EDNRB: variants seen among roughly 807,000 people sequenced by gnomAD.
EDNRB encodes Hirschsprung disease 2.
In EDNRB, 18 loss-of-function variants were observed where a neutral mutation model predicts 46.4. The ratio of observed to expected loss-of-function variants is 0.39; its 90% confidence interval spans 0.27 to 0.57. EDNRB has a LOEUF of 0.57. Ranked by LOEUF, EDNRB falls within the 20% of genes least tolerant of loss-of-function variation. The probability of loss-of-function intolerance (pLI) is 0.61; values close to 1 mark genes in which losing one functional copy is unlikely to be tolerated. For synonymous variants in EDNRB, 213 were observed against 204.9 expected (o/e 1.04, Z -0.34); for missense variants, 434 against 537.5 (o/e 0.81, Z 1.90).
intron 1 of EDNRB, among the ~76,000 whole-genome samples, chr13:77,974,552 T>A (rs1176165778): frequency 6.6e-6 from 1 of 152,146 alleles, no homozygotes; most frequent in Non-Finnish European, 1.5e-5. Context: ...TAGGGTACAC[T>A]TTTTTTCTTA....
At chr13:77,900,448 T>C (rs1878903151) in intron 5 of EDNRB, 73 bp downstream of exon 5, 1 of 1,600,104 alleles carries the variant, frequency 6.2e-7, no homozygotes, top group Admixed American at 1.7e-5. Context: ...TCTTTCTGCC[T>C]ATAAAAAAGA....
intron 5 of EDNRB, 47 bp downstream of exon 5, chr13:77,900,474 C>G: frequency 3.7e-6 from 6 of 1,610,116 alleles, no homozygotes; most frequent in Non-Finnish European, 5.1e-6. Context: ...GGAAACACTT[C>G]TGAGTGGCAT....
At position 77,899,851 on chromosome 13, in the gene EDNRB, T is replaced by A; in HGVS notation, c.1194+8A>T. 1 of 1,606,150 alleles carries A rather than the reference T, an allele frequency of 6.2e-7. No homozygotes were observed. The highest frequency in any genetic ancestry group is 8.5e-7 in the Non-Finnish European group (1 of 1,173,874). On this transcript the variant is annotated splice_region_variant and intron_variant, in intron 6 of 6. Coordinates refer to ENST00000646607, the MANE Select transcript of EDNRB (RefSeq NM_001122659.3). ...CAAAGAGCTTTTTATTTTGGGATAG[T>A]CTCTTACCTTAAAGCAGTTTTTGAA... is the stretch of plus-strand genomic sequence containing the variant.
At chr13:77,952,775 G>C (rs1881128174) in intron 1 of EDNRB, among the ~76,000 whole-genome samples, 1 of 152,242 alleles carries the variant, frequency 6.6e-6, no homozygotes, top group Admixed American at 6.5e-5. Context: ...ATCCTATCAA[G>C]GGGCCCTTGT....
intron 1 of EDNRB, among the ~76,000 whole-genome samples, chr13:77,932,442 C>G (rs1013848543): frequency 5.9e-5 from 9 of 152,272 alleles, no homozygotes; most frequent in African/African-American, 2.2e-4. Flanking sequence ...ATGTGTCACT[C>G]CCTTTATTTA....
intron 1 of EDNRB, among the ~76,000 whole-genome samples, chr13:77,909,836 C>T (rs998289304): frequency 6.6e-6 from 1 of 151,938 alleles, no homozygotes; most frequent in Non-Finnish European, 1.5e-5. Flanking sequence ...AGATAATTGA[C>T]ATGACTGTAT....
intron 1 of EDNRB, among the ~76,000 whole-genome samples, chr13:77,936,714 A>G (rs1253629714): frequency 6.6e-6 from 1 of 152,214 alleles, no homozygotes; most frequent in Admixed American, 6.5e-5. Flanking sequence ...CACAGATGGG[A>G]CATGGCTTAG....
chr13:77,903,374 T>G lies in EDNRB; in HGVS notation c.597-14A>C, dbSNP rs1050828899. The G allele has an allele frequency of 2.5e-6, 4 of 1,612,706 alleles. No homozygotes were observed. ...ACAGCTCGATATCTGAAGATAAAAA[T>G]AGAATTGTATTTTAAGCTGGCATAC... On this transcript the variant is annotated splice_polypyrimidine_tract_variant and intron_variant, in intron 2 of 6. Transcript: ENST00000646607.
upstream of EDNRB, among the ~76,000 whole-genome samples, chr13:77,921,299 G>A (rs1422625243): frequency 1.3e-5 from 2 of 152,078 alleles, no homozygotes; most frequent in Non-Finnish European, 2.9e-5. Flanking sequence ...TCAAGAATAA[G>A]GCCAAACAAT....
At chr13:77,914,482 TC>T (rs1879717613) in intron 1 of EDNRB, among the ~76,000 whole-genome samples, 1 of 152,212 alleles carries the variant, frequency 6.6e-6, no homozygotes, top group African/African-American at 2.4e-5. Flanking sequence ...TTTTCATTGT[TC>T]TTCTGGTTGG....
At position 77,934,690 on chromosome 13, in the gene EDNRB, G is replaced by A. The variant is rs866383609; in HGVS notation, c.-51-16066C>T. Among the ~76,000 whole-genome samples the A allele has an allele frequency of 5.1e-3, 750 of 147,808 alleles. 7 individuals carry two copies. Among genetic ancestry groups the A allele is most frequent in the African/African-American group, 0.017 (702 of 40,558 alleles). On this transcript the variant is annotated intron_variant, in intron 1 of 7. Transcript: ENST00000646948. ...TTGATGTGTAGGAAAGGGGGGGGGG[G>A]GCCTGAATAGTCCCTGAGGAGTAGC...
chr13:77,919,840 G>C, upstream of EDNRB: 1 of 526,576 alleles, frequency 1.9e-6, no homozygotes, highest in South Asian at 2.7e-5. Flanking sequence ...TGTGACACCC[G>C]GCAGCTCCAG....
intron 1 of EDNRB, among the ~76,000 whole-genome samples, chr13:77,952,785 T>A (rs1881128666): frequency 6.6e-6 from 1 of 152,330 alleles, no homozygotes; most frequent in African/African-American, 2.4e-5. Flanking sequence ...GGGGCCCTTG[T>A]ATTGCTCTGT....
chr13:77,970,682 T>G (rs554796699), intron 1 of EDNRB, among the ~76,000 whole-genome samples: 1 of 152,252 alleles, frequency 6.6e-6, no homozygotes, highest in South Asian at 2.1e-4. Flanking sequence ...AAAACCGTGG[T>G]CATGGGAGGC....
chr13:77,943,217 A>G (rs2137666736), intron 1 of EDNRB, among the ~76,000 whole-genome samples: 1 of 152,240 alleles, frequency 6.6e-6, no homozygotes, highest in Middle Eastern at 3.4e-3. Context: ...ACTTACCTAA[A>G]TTATCTCTGG....
intron 1 of EDNRB, among the ~76,000 whole-genome samples, chr13:77,945,670 G>T (rs1379853154): frequency 1.3e-5 from 2 of 151,952 alleles, no homozygotes; most frequent in Admixed American, 6.6e-5. Context: ...CTTACGGAAG[G>T]CTTAAATCAA....
chr13:77,933,582 G>A (rs1046308726), intron 1 of EDNRB, among the ~76,000 whole-genome samples: 1 of 152,164 alleles, frequency 6.6e-6, no homozygotes, highest in Admixed American at 6.5e-5. Context: ...GGATGTGTAC[G>A]TGCAGGTCAC....
In EDNRB at chr13:77,908,124, G is replaced by A. The variant is rs531624593; in HGVS notation, c.484-4517C>T. Among the ~76,000 whole-genome samples, 20 of 151,458 alleles carry A rather than the reference G, an allele frequency of 1.3e-4. 1 individual carries two copies. In the South Asian group the frequency reaches 3.4e-3, roughly 25 times the overall value. ...GAACTGGATGCTATTGGCTCTGGAA[G>A]GCCATAGAAGATGTGGGAAGAGCAT... On this transcript the variant is annotated intron_variant, in intron 1 of 6. Transcript: ENST00000646607.
Position 77,918,541 on chromosome 13 carries a change from G to C in EDNRB, c.33C>G (p.Ala11=). MQPPPSLCGR[A]LVALVLACGL... ...CGCAGGCAAGAACCAGCGCAACCAGGGCGCGTCCGCACAGACTTGGAGGCG... is the reference window on the plus strand; with the variant it reads ...CGCAGGCAAGAACCAGCGCAACCAGCGCGCGTCCGCACAGACTTGGAGGCG... Residue 11 remains alanine, a synonymous_variant, in exon 1 of 7, where the codon GCC becomes GCG. Transcript: ENST00000646607. This position sits in a 1 kb window ranked among gnomAD's most constrained non-coding sequence, Gnocchi z 4.5. 1 of 1,596,180 alleles carries C rather than the reference G, an allele frequency of 6.3e-7. No individual in the cohort carries two copies. The highest frequency in any genetic ancestry group is 1.1e-5 in the South Asian group (1 of 87,778).
Sources: allele counts gnomAD v4.1 joint callset (sites outside exome capture counted in the v4.1 genomes callset), GRCh38; gene constraint gnomAD v4.1.1; non-coding constraint Gnocchi (gnomAD v3.1); transcripts MANE v1.5; gene names NCBI Gene and HGNC (gene_info 2026-07-23, HGNC 2026-07-21).